Variants in OR2A5 observed in about 807,000 individuals in gnomAD.
The protein encoded by OR2A5 is olfactory receptor family 2 subfamily A member 5.
In OR2A5, 2 loss-of-function variants were observed where a neutral mutation model predicts 1.9. The ratio of observed to expected loss-of-function variants is 1.04; its 90% CI spans 0.43 to 3.28. The LOEUF (loss-of-function observed/expected upper bound fraction) is 3.28, where lower values mean the gene tolerates loss of function less well. Ranked by LOEUF, OR2A5 falls within the 30% of genes most tolerant of loss-of-function variation. The pLI, the probability that OR2A5 is intolerant of heterozygous loss-of-function variation, is 0.08. For missense variants in OR2A5, 391 were observed against 375.9 expected (o/e 1.04, Z -0.33); for synonymous variants, 160 against 154.5 (o/e 1.04, Z -0.26).
rs1039359036 is a variant in OR2A5, at chr7:144,058,512, A to T, written c.*7175A>T. On this transcript the variant is annotated 3_prime_UTR_variant, in exon 2 of 2. Transcript: ENST00000641693. ...TCAGCATGGCTGAGGAGGCCTCAGGAAACTTACAATCATGGCGGAAGTGGA... is the reference window on the plus strand; with the variant it reads ...TCAGCATGGCTGAGGAGGCCTCAGGTAACTTACAATCATGGCGGAAGTGGA... 1.2e-3 allele frequency: 183 copies of T among 152,406 alleles called. 1 individual carries two copies. The highest frequency in any genetic ancestry group is 4.1e-3 in the African/African-American group (172 of 41,560). The allele number at this position is 152,406 out of a possible 1,614,324, so 9.4% of individuals were successfully genotyped here. A position where few individuals can be genotyped will look rare whatever the true frequency, so the allele number is the denominator to read the frequency against.
rs555234499 is a variant in OR2A5 at position 144,051,488 on chromosome 7, T to C, written c.*151T>C. On this transcript the variant is annotated 3_prime_UTR_variant, in exon 2 of 2. Coordinates refer to ENST00000641693, the MANE Select transcript of OR2A5 (RefSeq NM_012365.2). Reference sequence around the variant, plus strand: ...TTCTATCCCTAAACGTGGAGTACCATGCAGATCACAAAGCACATGCAGACA... The same window carrying C: ...TTCTATCCCTAAACGTGGAGTACCACGCAGATCACAAAGCACATGCAGACA... The C allele has an allele frequency of 1.5e-6, 1 of 678,988 alleles. No homozygotes were observed. The highest frequency in any genetic ancestry group is 1.8e-5 in the African/African-American group (1 of 55,198). 42.1% of individuals were successfully genotyped at this position (678,988 alleles called of 1,614,324 possible).
Position 144,051,039 on chromosome 7 carries a change from T to C in OR2A5, c.638T>C (p.Leu213Pro). 1 of 1,614,218 alleles carries C rather than the reference T, an allele frequency of 6.2e-7. No individual in the cohort carries two copies. Among genetic ancestry groups the C allele is most frequent in the Non-Finnish European group, 8.5e-7 (1 of 1,180,032 alleles). The change falls in exon 2 of 2, where the codon CTG becomes CCG. Residue 213 changes from leucine to proline, a missense_variant. By Grantham distance (98) the Leu-to-Pro change is moderately conservative (BLOSUM62 -3). Coordinates refer to ENST00000641693, the MANE Select transcript of OR2A5 (RefSeq NM_012365.2). ...SVFILVGPLC[L>P]VLVSYSRILA... ...TTCATCCTGGTGGGGCCGCTCTGCCTGGTGCTGGTCTCCTACTCGCGCATC... is the reference window on the plus strand; with the variant it reads ...TTCATCCTGGTGGGGCCGCTCTGCCCGGTGCTGGTCTCCTACTCGCGCATC...
In OR2A5 at chr7:144,051,439, T is replaced by C. The variant is rs1372177443; in HGVS notation, c.*102T>C. The C allele has an allele frequency of 1.1e-6, 1 of 895,218 alleles. No homozygotes were observed. Among genetic ancestry groups the C allele is most frequent in the Non-Finnish European group, 1.7e-6 (1 of 587,924 alleles). 55.5% of individuals were successfully genotyped at this position (895,218 alleles called of 1,614,324 possible). The stretch of plus-strand genomic sequence containing the variant: ...ACAGTCTCATCTCTTAGATTTCTGA[T>C]ATCAAGAATGTATATTGATTGGATT... On this transcript the variant is annotated 3_prime_UTR_variant, in exon 2 of 2. Coordinates refer to ENST00000641693, the MANE Select transcript of OR2A5 (RefSeq NM_012365.2).
Position 144,056,085 on chromosome 7 carries a change from G to A in OR2A5, c.*4748G>A, listed in dbSNP as rs1041376240. 3.3e-5 allele frequency: 5 copies of A among 152,232 alleles called. No individual in the cohort carries two copies. Among genetic ancestry groups the A allele is most frequent in the African/African-American group, 1.2e-4 (5 of 41,446 alleles). 9.4% of individuals were successfully genotyped at this position (152,232 alleles called of 1,614,324 possible). ...CCACGGGTTAGCCGACTGTTTGTAA[G>A]CTGGCCTGAGTGGAGATAGCTTTGC... On this transcript the variant is annotated 3_prime_UTR_variant, in exon 2 of 2. Coordinates refer to ENST00000641693, the MANE Select transcript of OR2A5 (RefSeq NM_012365.2).
In OR2A5 at chr7:144,057,035, C is replaced by T. The variant is rs563425875; in HGVS notation, c.*5698C>T. On this transcript the variant is annotated 3_prime_UTR_variant, in exon 2 of 2. Coordinates refer to ENST00000641693, the MANE Select transcript of OR2A5 (RefSeq NM_012365.2). Reference sequence around the variant, plus strand: ...TTCACTGTGTTAGCCAGGATGGTCTCGATCTGCTGACCTCGTGATCCACCC... The same window carrying T: ...TTCACTGTGTTAGCCAGGATGGTCTTGATCTGCTGACCTCGTGATCCACCC... 2.6e-5 allele frequency: 4 copies of T among 152,002 alleles called. No homozygotes were observed. The East Asian group carries it at 7.8e-4, about 30-fold the overall frequency. The allele number at this position is 152,002 out of a possible 1,614,324, so 9.4% of individuals were successfully genotyped here.
In OR2A5 at chr7:144,050,954, C is replaced by T; in HGVS notation, c.553C>T (p.Leu185Phe). Reference protein sequence around the residue: ...NHFFCEILSVLKLACADTWLN... With the variant: ...NHFFCEILSVFKLACADTWLN... Reference sequence around the variant, plus strand: ...CTTCTTCTGTGAAATCCTGTCTGTCCTCAAGTTGGCCTGTGCTGACACCTG... The same window carrying T: ...CTTCTTCTGTGAAATCCTGTCTGTCTTCAAGTTGGCCTGTGCTGACACCTG... The change falls in exon 2 of 2, where the codon CTC (leucine) becomes TTC (phenylalanine). Residue 185 changes from leucine (L) to phenylalanine (F), a missense_variant. Coordinates refer to ENST00000641693, the MANE Select transcript of OR2A5 (RefSeq NM_012365.2). 7 of 1,614,206 alleles carry T rather than the reference C, an allele frequency of 4.3e-6. No homozygotes were observed. Among genetic ancestry groups the T allele is most frequent in the Non-Finnish European group, 5.9e-6 (7 of 1,180,040 alleles).
rs2050939384 is a variant in OR2A5 at position 144,056,350 on chromosome 7, G to T, written c.*5013G>T. 6.6e-6 allele frequency: 1 copy of T among 152,174 alleles called. No individual in the cohort carries two copies. 9.4% of individuals were successfully genotyped at this position (152,174 alleles called of 1,614,324 possible). A position where few individuals can be genotyped will look rare whatever the true frequency, so the allele number is the denominator to read the frequency against. ...ATCCAGACACCCACTCTGGGTGCTG[G>T]GATTCCCAATATACTCAGTCTCACT... On this transcript the variant is annotated 3_prime_UTR_variant, in exon 2 of 2. Coordinates refer to ENST00000641693, the MANE Select transcript of OR2A5 (RefSeq NM_012365.2).
chr7:144,057,106 G>C lies in OR2A5; in HGVS notation c.*5769G>C, dbSNP rs1265058508. The stretch of plus-strand genomic sequence containing the variant: ...TGGGATTACAGGCGTGAGCCACCGC[G>C]CCCGGCCAACTCTTCTTAAATATGA... On this transcript the variant is annotated 3_prime_UTR_variant, in exon 2 of 2. Coordinates refer to ENST00000641693, the MANE Select transcript of OR2A5 (RefSeq NM_012365.2). 4 of 151,966 alleles carry C rather than the reference G, an allele frequency of 2.6e-5. No individual in the cohort carries two copies. The highest frequency in any genetic ancestry group is 9.7e-5 in the African/African-American group (4 of 41,378). The allele number at this position is 151,966 out of a possible 1,614,324, so 9.4% of individuals were successfully genotyped here.
At position 144,052,061 on chromosome 7, in the gene OR2A5, C is replaced by T. The variant is rs185385927; in HGVS notation, c.*724C>T. The T allele has an allele frequency of 6.6e-5, 10 of 152,154 alleles. No individual in the cohort carries two copies. The highest frequency in any genetic ancestry group is 1.4e-4 in the African/African-American group (6 of 41,508). The allele number at this position is 152,154 out of a possible 1,614,324, so 9.4% of individuals were successfully genotyped here. On this transcript the variant is annotated 3_prime_UTR_variant, in exon 2 of 2. Coordinates refer to ENST00000641693, the MANE Select transcript of OR2A5 (RefSeq NM_012365.2). ...TAGTTACCTTTTTCATAATTCAGAT[C>T]GCAAAGCCGGGTGTAGGTGACAATT...
Position 144,054,336 on chromosome 7 carries a change from ATGTGAC to A in OR2A5, c.*3001_*3006del, listed in dbSNP as rs1228607944. The A allele has an allele frequency of 6.6e-6, 1 of 152,218 alleles. No individual in the cohort carries two copies. The highest frequency in any genetic ancestry group is 1.5e-5 in the Non-Finnish European group (1 of 68,032). The allele number at this position is 152,218 out of a possible 1,614,324, so 9.4% of individuals were successfully genotyped here. On this transcript the variant is annotated 3_prime_UTR_variant, in exon 2 of 2. Coordinates refer to ENST00000641693, the MANE Select transcript of OR2A5 (RefSeq NM_012365.2). ...TTATGAATGCTAAATGAAAGACTTT[ATGTGAC>A]TCTGATTTGAAGTGATGTATTTTTG... is the stretch of plus-strand genomic sequence containing the variant.
chr7:144,049,486 G>A (rs530380947), intron 1 of OR2A5, among the ~76,000 whole-genome samples: 2 of 152,262 alleles, frequency 1.3e-5, no homozygotes, highest in East Asian at 1.9e-4. Flanking sequence ...TATTCCTAAC[G>A]TAATGCCTTT....
Position 144,050,495 on chromosome 7 carries a change from CT to C in OR2A5, c.95del (p.Leu32ArgfsTer50). 1 of 1,600,860 alleles carries C rather than the reference CT, an allele frequency of 6.2e-7. No homozygotes were observed. The highest frequency in any genetic ancestry group is 8.5e-7 in the Non-Finnish European group (1 of 1,174,124). ...GATGCTCCTCTCTGGGCTTTTCTCC[CT>C]GTTATACGTCTTCACCCTGCTGGGA... ...IQMLLSGLFS[L>X]LYVFTLLGNG... On this transcript the variant is annotated frameshift_variant, in exon 2 of 2. Transcript: ENST00000641693. LOFTEE classifies it low-confidence loss of function (END_TRUNC).
rs536085188 is a variant in OR2A5, at chr7:144,049,168, T to C, written c.-52+35T>C. ...GGGTCTTTTGCAAAGTCTGGTAGTT[T>C]AGAGAAGCTAGGGTCTGGATGAAGG... On this transcript the variant is annotated intron_variant, in intron 1 of 1. Transcript: ENST00000641693. 4 of 152,364 alleles carry C rather than the reference T, an allele frequency of 2.6e-5. No individual in the cohort carries two copies. The South Asian group carries it at 8.3e-4, about 32-fold the overall frequency. The allele number at this position is 152,364 out of a possible 1,614,324, so 9.4% of individuals were successfully genotyped here. A position where few individuals can be genotyped will look rare whatever the true frequency, so the allele number is the denominator to read the frequency against.
At chr7:144,050,228 C>A in intron 1 of OR2A5, 123 bp from the exon 2 acceptor site, 1 of 502,156 alleles carries the variant, frequency 2.0e-6, no homozygotes, top group Non-Finnish European at 3.5e-6. Flanking sequence ...CTGCTTTACT[C>A]TGGATTAAAG....
In OR2A5 at chr7:144,050,602, C is replaced by T. The variant is rs751222025; in HGVS notation, c.201C>T (p.Ile67=). 2.5e-6 allele frequency: 4 copies of T among 1,612,060 alleles called. No individual in the cohort carries two copies. Among genetic ancestry groups the T allele is most frequent in the Non-Finnish European group, 3.4e-6 (4 of 1,178,922 alleles). ...PMYFFLSHLA[I]IDISYASNNV... is the part of the protein sequence containing the mutation. Reference sequence around the variant, plus strand: ...ACTTCTTTCTCTCACACCTGGCCATCATTGATATTTCGTATGCTTCCAACA... The same window carrying T: ...ACTTCTTTCTCTCACACCTGGCCATTATTGATATTTCGTATGCTTCCAACA... The change falls in exon 2 of 2, where the codon ATC becomes ATT. Residue 67 remains isoleucine, a synonymous_variant. Transcript: ENST00000641693.
At position 144,056,059 on chromosome 7, in the gene OR2A5, G is replaced by C. The variant is rs2050937220; in HGVS notation, c.*4722G>C. The C allele has an allele frequency of 6.6e-6, 1 of 152,212 alleles. No homozygotes were observed. The highest frequency in any genetic ancestry group is 1.5e-5 in the Non-Finnish European group (1 of 68,056). 9.4% of individuals were successfully genotyped at this position (152,212 alleles called of 1,614,324 possible). On this transcript the variant is annotated 3_prime_UTR_variant, in exon 2 of 2. Transcript: ENST00000641693. ...AATCAGATGTGTGAGTGATGCAGAA[G>C]CCACGGGTTAGCCGACTGTTTGTAA...
Position 144,051,490 on chromosome 7 carries a change from C to A in OR2A5, c.*153C>A. On this transcript the variant is annotated 3_prime_UTR_variant, in exon 2 of 2. Transcript: ENST00000641693. ...CTATCCCTAAACGTGGAGTACCATG[C>A]AGATCACAAAGCACATGCAGACAGG... The A allele has an allele frequency of 1.5e-6, 1 of 676,042 alleles. No homozygotes were observed. The highest frequency in any genetic ancestry group is 2.5e-6 in the Non-Finnish European group (1 of 407,374). 41.9% of individuals were successfully genotyped at this position (676,042 alleles called of 1,614,324 possible).
In OR2A5 at chr7:144,051,390, T is replaced by A; in HGVS notation, c.*53T>A. ...GAAGATTTGCTCCCAATGAGATTTG[T>A]AGGAACAGTGGTGTAAATGCCTTAC... On this transcript the variant is annotated 3_prime_UTR_variant, in exon 2 of 2. Transcript: ENST00000641693. 1 of 1,402,438 alleles carries A rather than the reference T, an allele frequency of 7.1e-7. No individual in the cohort carries two copies. The highest frequency in any genetic ancestry group is 9.8e-7 in the Non-Finnish European group (1 of 1,019,566). The allele number at this position is 1,402,438 out of a possible 1,614,324, so 86.9% of individuals were successfully genotyped here.
At position 144,050,382 on chromosome 7, in the gene OR2A5, G is replaced by A. The variant is rs752325739; in HGVS notation, c.-20G>A. ...GCTCATTGCCACAGCAGAGTCCAAC[G>A]CAGGTACTGTCACAAGGGCATGACA... is the stretch of plus-strand genomic sequence containing the variant. On this transcript the variant is annotated 5_prime_UTR_variant, in exon 2 of 2. Coordinates refer to ENST00000641693, the MANE Select transcript of OR2A5 (RefSeq NM_012365.2). 6 of 1,479,096 alleles carry A rather than the reference G, an allele frequency of 4.1e-6. No individual in the cohort carries two copies. The highest frequency in any genetic ancestry group is 1.4e-5 in the African/African-American group (1 of 69,684). The allele number at this position is 1,479,096 out of a possible 1,614,324, so 91.6% of individuals were successfully genotyped here.
Sources: allele counts gnomAD v4.1 joint callset (sites outside exome capture counted in the v4.1 genomes callset), GRCh38; gene constraint gnomAD v4.1.1; transcripts MANE v1.5; gene names NCBI Gene and HGNC (gene_info 2026-07-23, HGNC 2026-07-21).